The following RAD54B variants were observed in gnomAD, a reference collection of about 807,000 sequenced individuals.
RAD54B encodes DNA repair and recombination protein RAD54B.
In RAD54B, 78 loss-of-function variants were observed where a neutral mutation model predicts 95.8. That is an observed-to-expected ratio of 0.81 (90% CI 0.68 to 0.98). RAD54B has a LOEUF of 0.98. Ranked by LOEUF, RAD54B falls within the 50% of genes least tolerant of loss-of-function variation. RAD54B has a pLI of 0.00. For synonymous variants in RAD54B, 328 were observed against 354.9 expected, an observed-to-expected ratio of 0.92 and a Z score of 0.85; for missense variants, 957 against 1,056.6, an observed-to-expected ratio of 0.91 and a Z score of 1.31.
chr8:94,473,642 A>T (rs1210198588), intron 1 of RAD54B, among the ~76,000 whole-genome samples: 2 of 152,248 alleles, frequency 1.3e-5, no homozygotes, highest in Non-Finnish European at 2.9e-5. Flanking sequence ...GTAGTTCAAC[A>T]TACAGGACAA....
intron 8 of RAD54B, among the ~76,000 whole-genome samples, chr8:94,395,542 A>C (rs1185887161): frequency 6.6e-6 from 1 of 152,164 alleles, no homozygotes. Context: ...CCAGAAAAGG[A>C]AGGGGTTCTA....
intron 3 of RAD54B, chr8:94,437,087 T>C (rs1812285417): frequency 1.5e-5 from 13 of 852,672 alleles, no homozygotes; most frequent in Non-Finnish European, 1.8e-5. Context: ...AGCTTCTCAC[T>C]GAAGAAGACA....
At chr8:94,411,914 A>C (rs1422906510) in intron 3 of RAD54B, among the ~76,000 whole-genome samples, 1 of 152,078 alleles carries the variant, frequency 6.6e-6, no homozygotes, top group Non-Finnish European at 1.5e-5. Flanking sequence ...CTTTCTTAGC[A>C]TTTTTCAAGT....
At chr8:94,393,949 G>T in intron 8 of RAD54B, 67 bp from the exon 9 acceptor site, 2 of 1,361,648 alleles carry the variant, frequency 1.5e-6, no homozygotes, top group Non-Finnish European at 1.0e-6. Context: ...CAGGTTTATA[G>T]CAAAACCACA....
rs1272964010 is a variant in RAD54B, at chr8:94,399,484, C to T, written c.1308G>A (p.Leu436=). The change falls in exon 8 of 15, where the codon TTG becomes TTA. Residue 436 remains leucine (L), a synonymous_variant. Transcript: ENST00000336148. ...TAGTTGTCTTAATGGCACTGTTCTTCAAACGATGCCCCTCGTCACAGATTA... is the reference window on the plus strand; with the variant it reads ...TAGTTGTCTTAATGGCACTGTTCTTTAAACGATGCCCCTCGTCACAGATTA... ...DLLICDEGHR[L]KNSAIKTTTA... 6.2e-7 allele frequency: 1 copy of T among 1,613,620 alleles called. No individual in the cohort carries two copies. The highest frequency in any genetic ancestry group is 8.5e-7 in the Non-Finnish European group (1 of 1,179,694).
At chr8:94,462,551 T>C (rs2130188666) in intron 2 of RAD54B, among the ~76,000 whole-genome samples, 1 of 152,294 alleles carries the variant, frequency 6.6e-6, no homozygotes, top group East Asian at 1.9e-4. Flanking sequence ...GTCCCAGATT[T>C]TGTATTTATC....
rs3136404 is a variant in RAD54B, at chr8:94,436,943, A to G, written c.304+21325T>C. 1.2e-5 allele frequency: 18 copies of G among 1,450,808 alleles called. No homozygotes were observed. In the African/African-American group the frequency reaches 2.4e-4, roughly 20 times the overall value. 89.9% of individuals were successfully genotyped at this position (1,450,808 alleles called of 1,614,324 possible). A position where few individuals can be genotyped will look rare whatever the true frequency, so the allele number is the denominator to read the frequency against. ...CAGCTCTGCTCAGCTCTTTTCACAAACAGAAAAAGATCAGGCTTAACTAGG... is the reference window on the plus strand; with the variant it reads ...CAGCTCTGCTCAGCTCTTTTCACAAGCAGAAAAAGATCAGGCTTAACTAGG... On this transcript the variant is annotated intron_variant, in intron 3 of 14. Transcript: ENST00000336148.
chr8:94,406,348 A>G (rs1811388542), intron 5 of RAD54B, among the ~76,000 whole-genome samples: 1 of 152,192 alleles, frequency 6.6e-6, no homozygotes, highest in South Asian at 2.1e-4. Context: ...ATTGTGTAAT[A>G]GTAAAAGTAC....
chr8:94,402,315 G>A (rs1046767030), intron 6 of RAD54B, among the ~76,000 whole-genome samples: 7 of 150,620 alleles, frequency 4.6e-5, no homozygotes, highest in South Asian at 2.1e-4. Context: ...GTGCAGTGGC[G>A]CTATCTTGGC....
At chr8:94,436,409 C>T in intron 3 of RAD54B, 1 of 1,398,382 alleles carries the variant, frequency 7.2e-7, no homozygotes, top group Non-Finnish European at 9.4e-7. Flanking sequence ...GGGATGCTTA[C>T]TATGCATATC....
At chr8:94,433,789 T>C (rs1563655743) in intron 3 of RAD54B, among the ~76,000 whole-genome samples, 2 of 151,806 alleles carry the variant, frequency 1.3e-5, no homozygotes, top group South Asian at 2.1e-4. Flanking sequence ...AAATACTTTA[T>C]TTAATATTAT....
intron 3 of RAD54B, chr8:94,429,639 C>T (rs1812036164): frequency 1.0e-6 from 1 of 983,526 alleles, no homozygotes; most frequent in Admixed American, 6.2e-5. Context: ...GAAACATTAC[C>T]TCAAATTAAG....
At chr8:94,417,865 C>A (rs1201307960) in intron 3 of RAD54B, among the ~76,000 whole-genome samples, 5 of 152,208 alleles carry the variant, frequency 3.3e-5, no homozygotes, top group Non-Finnish European at 7.3e-5. Flanking sequence ...AAATTATACT[C>A]AGAACCACCA....
At chr8:94,374,031 G>A (rs1047371942) in intron 14 of RAD54B, among the ~76,000 whole-genome samples, 1 of 152,148 alleles carries the variant, frequency 6.6e-6, no homozygotes, top group African/African-American at 2.4e-5. Flanking sequence ...TGTAATCCCA[G>A]CACTTCGGGA....
chr8:94,429,594 C>G, intron 3 of RAD54B: 1 of 983,192 alleles, frequency 1.0e-6, no homozygotes, highest in Non-Finnish European at 1.2e-6. Flanking sequence ...ATAAAGCTTA[C>G]TACTGCCAAG....
At chr8:94,414,463 T>G (rs1586149486) in intron 3 of RAD54B, among the ~76,000 whole-genome samples, 1 of 152,164 alleles carries the variant, frequency 6.6e-6, no homozygotes, top group Non-Finnish European at 1.5e-5. Flanking sequence ...GGCTGTGGGT[T>G]TGTCATAGAT....
chr8:94,459,867 TAAA>T (rs1272518258), intron 2 of RAD54B, among the ~76,000 whole-genome samples: 5 of 135,742 alleles, frequency 3.7e-5, no homozygotes, highest in African/African-American at 8.4e-5. Context: ...CTCAAAAAAA[TAAA>T]AAATTAGGCC....
chr8:94,390,248 C>G (rs1393248019), intron 10 of RAD54B, among the ~76,000 whole-genome samples: 1 of 150,940 alleles, frequency 6.6e-6, no homozygotes, highest in African/African-American at 2.4e-5. Flanking sequence ...GCCTGTAATC[C>G]CAGCACTTTG....
At chr8:94,472,932 A>C (rs1813204682) in intron 1 of RAD54B, among the ~76,000 whole-genome samples, 1 of 151,332 alleles carries the variant, frequency 6.6e-6, no homozygotes, top group South Asian at 2.1e-4. Flanking sequence ...CCATCAGCAC[A>C]GAGCAGTGGT....
Sources: gnomAD v4.1 joint callset for allele counts (sites outside exome capture counted in the v4.1 genomes callset) on GRCh38, gnomAD v4.1.1 for gene constraint, MANE v1.5 for transcripts, NCBI Gene and HGNC (gene_info 2026-07-23, HGNC 2026-07-21) for gene names.